The following TGM2 variants were observed in gnomAD, a reference collection of about 807,000 sequenced individuals.
TGM2 encodes transglutaminase 2.
A neutral mutation model predicts 75.6 loss-of-function variants in TGM2; 53 were observed. The ratio of observed to expected loss-of-function variants is 0.70; its 90% confidence interval spans 0.56 to 0.88. The LOEUF (loss-of-function observed/expected upper bound fraction) is 0.88. Ranked by LOEUF, TGM2 falls within the 40% of genes least tolerant of loss-of-function variation. The probability of loss-of-function intolerance (pLI) is 0.00; values close to 1 mark genes in which losing one functional copy is unlikely to be tolerated. For synonymous variants in TGM2, 374 were observed against 381.1 expected, an observed-to-expected ratio of 0.98 and a Z score of 0.22; for missense variants, 842 against 928.5, an observed-to-expected ratio of 0.91 and a Z score of 1.21.
upstream of TGM2, chr20:38,166,494 T>C (rs2075310929): frequency 6.6e-6 from 1 of 152,242 alleles, no homozygotes; most frequent in Admixed American, 6.5e-5. Context: ...TCTCCTGTGC[T>C]TCCGGATCCA....
chr20:38,142,542 C>G (rs983119916), intron 6 of TGM2, among the ~76,000 whole-genome samples: 1 of 152,150 alleles, frequency 6.6e-6, no homozygotes, highest in South Asian at 2.1e-4. Flanking sequence ...CCCGTCTCTA[C>G]TAAAAATACA....
chr20:38,164,901 CACTG>C (rs1443421016), intron 1 of TGM2, among the ~76,000 whole-genome samples: 1 of 152,232 alleles, frequency 6.6e-6, no homozygotes, highest in Non-Finnish European at 1.5e-5. Flanking sequence ...AGCCAGCCCC[CACTG>C]ACTGACTGAG....
rs1417341038 is a variant in TGM2 at position 38,130,038 on chromosome 20, G to C, written c.*181C>G. 1.3e-6 allele frequency: 1 copy of C among 752,128 alleles called. No individual in the cohort carries two copies. The allele number at this position is 752,128 out of a possible 1,614,324, so 46.6% of individuals were successfully genotyped here. ...TCCTCACAGCAAAGGGGGTGAGTGG[G>C]GACCCACAGGCTCAGGAGGCTGAGA... On this transcript the variant is annotated 3_prime_UTR_variant, in exon 13 of 13. Coordinates refer to ENST00000361475, the MANE Select transcript of TGM2 (RefSeq NM_004613.4).
rs1427518124 is a variant in TGM2, at chr20:38,129,394, C to T, written c.*825G>A. ...CCCCAGACAGCCTCTCCGACAGTCT[C>T]AGGTCAGGCTGGGGTTATAAATGGA... On this transcript the variant is annotated 3_prime_UTR_variant, in exon 13 of 13. Transcript: ENST00000361475. 1 of 152,184 alleles carries T rather than the reference C, an allele frequency of 6.6e-6. No homozygotes were observed. The highest frequency in any genetic ancestry group is 1.5e-5 in the Non-Finnish European group (1 of 68,050). The allele number at this position is 152,184 out of a possible 1,614,324, so 9.4% of individuals were successfully genotyped here. A position where few individuals can be genotyped will look rare whatever the true frequency, so the allele number is the denominator to read the frequency against.
intron 3 of TGM2, among the ~76,000 whole-genome samples, chr20:38,153,524 C>CAA (rs1231793414): frequency 4.7e-5 from 3 of 63,876 alleles, no homozygotes; most frequent in African/African-American, 2.3e-4. Flanking sequence ...GCCTTGGTCT[C>CAA]AAAAAAAAGA....
At chr20:38,160,948 G>A (rs1343476294) in intron 2 of TGM2, among the ~76,000 whole-genome samples, 1 of 152,170 alleles carries the variant, frequency 6.6e-6, no homozygotes, top group Middle Eastern at 3.2e-3. Flanking sequence ...TTACAGACAT[G>A]TACCACCATG....
At chr20:38,161,377 G>C in intron 2 of TGM2, 43 bp downstream of exon 2, 1 of 1,603,630 alleles carries the variant, frequency 6.2e-7, no homozygotes, top group Non-Finnish European at 8.5e-7. Flanking sequence ...AGAGGAAGTG[G>C]TGGTGGTGGT....
rs1008693940 is a variant in TGM2, at chr20:38,129,890, T to A, written c.*329A>T. The A allele has an allele frequency of 2.7e-6, 1 of 371,238 alleles. No homozygotes were observed. The highest frequency in any genetic ancestry group is 2.1e-5 in the African/African-American group (1 of 48,748). The allele number at this position is 371,238 out of a possible 1,614,324, so 23.0% of individuals were successfully genotyped here. The stretch of plus-strand genomic sequence containing the variant: ...GAGCTATGAAGTAGATCAAACAATA[T>A]GGTGGGTGGTCAATGGCTTTCCAAA... On this transcript the variant is annotated 3_prime_UTR_variant, in exon 13 of 13. Coordinates refer to ENST00000361475, the MANE Select transcript of TGM2 (RefSeq NM_004613.4).
intron 2 of TGM2, among the ~76,000 whole-genome samples, chr20:38,157,226 C>T (rs569231330): frequency 6.6e-6 from 1 of 152,182 alleles, no homozygotes; most frequent in Non-Finnish European, 1.5e-5. Context: ...GCCCCCAGCC[C>T]CCTCCTCCCT....
chr20:38,158,743 C>A (rs1260370109), intron 2 of TGM2, among the ~76,000 whole-genome samples: 1 of 152,228 alleles, frequency 6.6e-6, no homozygotes, highest in Non-Finnish European at 1.5e-5. Context: ...ATGCTCCATT[C>A]GCTGAGTGAC....
chr20:38,165,702 GCA>G (rs1460850219), upstream of TGM2, among the ~76,000 whole-genome samples: 1 of 107,236 alleles, frequency 9.3e-6, no homozygotes. Context: ...ACACACACAC[GCA>G]CACACTCACA....
intron 3 of TGM2, among the ~76,000 whole-genome samples, chr20:38,153,885 C>T (rs1255688290): frequency 4.6e-5 from 7 of 152,202 alleles, no homozygotes; most frequent in Non-Finnish European, 8.8e-5. Context: ...GGCACAATCC[C>T]AGCTAACTGC....
At position 38,139,877 on chromosome 20, in the gene TGM2, C is replaced by T. The variant is rs561653849; in HGVS notation, c.1100-223G>A. On this transcript the variant is annotated intron_variant, in intron 8 of 12. Coordinates refer to ENST00000361475, the MANE Select transcript of TGM2 (RefSeq NM_004613.4). ...AAATCCCAGCTCAGCCTGTTATTAG[C>T]TGGTGACTTTGGGCCAGTCACTAAC... Among the ~76,000 whole-genome samples, 5 of 152,322 alleles carry T rather than the reference C, an allele frequency of 3.3e-5. No individual in the cohort carries two copies. In the South Asian group the frequency reaches 1.0e-3, roughly 32 times the overall value.
intron 3 of TGM2, among the ~76,000 whole-genome samples, chr20:38,151,820 C>G (rs941132233): frequency 2.0e-5 from 3 of 152,158 alleles, no homozygotes; most frequent in Non-Finnish European, 4.4e-5. Flanking sequence ...AAGCACAAAG[C>G]TTTGGCTGCT....
chr20:38,141,040 G>A (rs1323691730), intron 8 of TGM2, among the ~76,000 whole-genome samples: 1 of 151,790 alleles, frequency 6.6e-6, no homozygotes, highest in Non-Finnish European at 1.5e-5. Flanking sequence ...AGACAAAGAT[G>A]CTATTTGATT....
intron 10 of TGM2, among the ~76,000 whole-genome samples, chr20:38,136,115 C>G (rs1388413100): frequency 1.3e-5 from 2 of 152,236 alleles, no homozygotes. Flanking sequence ...CTCTGAGGGC[C>G]TGGCCCCTGC....
chr20:38,159,963 G>C (rs971906659), intron 2 of TGM2, among the ~76,000 whole-genome samples: 2 of 152,188 alleles, frequency 1.3e-5, no homozygotes, highest in African/African-American at 4.8e-5. Context: ...TCGTAAAGGG[G>C]GAAACTGAGA....
intron 2 of TGM2, among the ~76,000 whole-genome samples, chr20:38,157,034 A>T (rs2122957152): frequency 6.6e-6 from 1 of 152,314 alleles, no homozygotes; most frequent in East Asian, 1.9e-4. Context: ...AGTCATGGGC[A>T]GGGCGAGGAG....
At chr20:38,162,504 T>C (rs2075266563) in intron 1 of TGM2, among the ~76,000 whole-genome samples, 1 of 152,140 alleles carries the variant, frequency 6.6e-6, no homozygotes, top group Non-Finnish European at 1.5e-5. Context: ...CTTTAATAAA[T>C]AGATTGCAAG....
Sources: allele counts gnomAD v4.1 joint callset (sites outside exome capture counted in the v4.1 genomes callset), GRCh38; gene constraint gnomAD v4.1.1; transcripts MANE v1.5; gene names NCBI Gene and HGNC (gene_info 2026-07-23, HGNC 2026-07-21).